The following PRKG1 variants were observed in gnomAD, a reference collection of about 807,000 sequenced individuals.
PRKG1 encodes cGMP-dependent protein kinase 1.
A neutral mutation model predicts 88.1 loss-of-function variants in PRKG1; 35 were observed. The ratio of observed to expected loss-of-function variants is 0.40; its 90% CI spans 0.30 to 0.53. The LOEUF is 0.53. Among genes scored for constraint, PRKG1 ranks in the 20% least tolerant of loss-of-function variants. PRKG1 has a pLI of 0.59. For synonymous variants in PRKG1, 303 were observed against 292.5 expected (o/e 1.04, Z -0.37); for missense variants, 540 against 839.8 (o/e 0.64, Z 4.41).
At chr10:51,119,379 G>A (rs1482082177) in intron 1 of PRKG1, among the ~76,000 whole-genome samples, 1 of 151,928 alleles carries the variant, frequency 6.6e-6, no homozygotes, top group Non-Finnish European at 1.5e-5. Flanking sequence ...CATAATTAGA[G>A]AAATTTTCCT....
At chr10:51,262,182 G>T (rs890818020) in intron 2 of PRKG1, among the ~76,000 whole-genome samples, 7 of 152,008 alleles carry the variant, frequency 4.6e-5, no homozygotes, top group African/African-American at 1.7e-4. Context: ...CACTGTGCCC[G>T]GCCAGGACTT....
chr10:51,563,336 A>T (rs760862991), intron 3 of PRKG1, among the ~76,000 whole-genome samples: 5 of 152,130 alleles, frequency 3.3e-5, no homozygotes, highest in Non-Finnish European at 7.3e-5. Flanking sequence ...TAAATGTTTG[A>T]GATATTGAAT....
intron 1 of PRKG1, among the ~76,000 whole-genome samples, chr10:51,147,039 A>G (rs1845961781): frequency 6.6e-6 from 1 of 152,186 alleles, no homozygotes; most frequent in Non-Finnish European, 1.5e-5. Context: ...GAAATCGGTC[A>G]GTCACAGAAA....
intron 3 of PRKG1, among the ~76,000 whole-genome samples, chr10:51,753,876 A>T (rs895996872): frequency 1.3e-5 from 2 of 152,084 alleles, no homozygotes; most frequent in East Asian, 1.9e-4. Flanking sequence ...TCTCTTTTTC[A>T]TGAAGCTCAT....
intron 2 of PRKG1, among the ~76,000 whole-genome samples, chr10:51,209,059 G>A (rs1838142849): frequency 1.3e-5 from 2 of 152,116 alleles, no homozygotes; most frequent in Admixed American, 1.3e-4. Flanking sequence ...AGCCCCTCCA[G>A]CAATGGAAAA....
chr10:51,307,389 G>A (rs377118640), intron 2 of PRKG1, among the ~76,000 whole-genome samples: 14 of 152,218 alleles, frequency 9.2e-5, no homozygotes, highest in East Asian at 7.7e-4. Context: ...GCAATCAGTG[G>A]TGGCACCAGG....
intron 5 of PRKG1, among the ~76,000 whole-genome samples, chr10:51,947,737 C>T (rs1030041022): frequency 6.6e-6 from 1 of 152,124 alleles, no homozygotes; most frequent in Admixed American, 6.5e-5. Context: ...TGCAGAGCTG[C>T]ACCAGCCAGG....
At chr10:51,016,928 A>G (rs1244002410) in intron 1 of PRKG1, among the ~76,000 whole-genome samples, 1 of 151,108 alleles carries the variant, frequency 6.6e-6, no homozygotes, top group Admixed American at 6.6e-5. Flanking sequence ...TGGGCTCCCA[A>G]AGTGCTGGGA....
intron 1 of PRKG1, among the ~76,000 whole-genome samples, chr10:51,114,960 G>C: frequency 6.6e-6 from 1 of 152,100 alleles, no homozygotes; most frequent in East Asian, 1.9e-4. Flanking sequence ...CTTATCCAAT[G>C]AGTATTTATG....
At chr10:52,034,027 T>A (rs866767463) in intron 5 of PRKG1, among the ~76,000 whole-genome samples, 5 of 151,812 alleles carry the variant, frequency 3.3e-5, no homozygotes, top group Middle Eastern at 3.4e-3. Flanking sequence ...CACAAGGTAA[T>A]GTCATCACTT....
chr10:51,126,257 ATATATT>A (rs1380314876), intron 1 of PRKG1, among the ~76,000 whole-genome samples: 1 of 8,226 alleles, frequency 1.2e-4, no homozygotes, highest in Non-Finnish European at 3.6e-4. Flanking sequence ...ATAATTATTT[ATATATT>A]TATTTATAAT....
At chr10:52,051,843 T>A (rs1189254757) in intron 5 of PRKG1, among the ~76,000 whole-genome samples, 1 of 152,096 alleles carries the variant, frequency 6.6e-6, no homozygotes, top group Non-Finnish European at 1.5e-5. Flanking sequence ...GCTGTTTACT[T>A]CCAAGTTTAT....
Position 51,604,975 on chromosome 10 carries a change from G to A in PRKG1, c.592+137139G>A, listed in dbSNP as rs149822783. The stretch of plus-strand genomic sequence containing the variant: ...GAAGAATCAGACCACATATGGGCTG[G>A]AAGGTTGAGAGCAAGGTTTGATTGA... On this transcript the variant is annotated intron_variant, in intron 3 of 17. Coordinates refer to ENST00000373980, the MANE Select transcript of PRKG1 (RefSeq NM_006258.4). Among the ~76,000 whole-genome samples, 782 of 152,346 alleles carry A rather than the reference G, an allele frequency of 5.1e-3. 8 individuals carry two copies. Among genetic ancestry groups the A allele is most frequent in the Middle Eastern group, 0.01 (3 of 294 alleles).
chr10:51,631,579 G>T (rs554793446), intron 3 of PRKG1, among the ~76,000 whole-genome samples: 1 of 152,310 alleles, frequency 6.6e-6, no homozygotes, highest in South Asian at 2.1e-4. Context: ...TGCAGTCAAA[G>T]CTCTCTGCTA....
At chr10:51,278,933 G>A (rs1249246656) in intron 2 of PRKG1, among the ~76,000 whole-genome samples, 1 of 152,016 alleles carries the variant, frequency 6.6e-6, no homozygotes. Context: ...TTTTTGAAGG[G>A]TTTTTTGTGT....
chr10:51,330,498 A>G (rs971491648), intron 2 of PRKG1, among the ~76,000 whole-genome samples: 9 of 152,182 alleles, frequency 5.9e-5, no homozygotes, highest in Admixed American at 5.9e-4. Context: ...AGCTAGAAAT[A>G]TTACAAGAAT....
At chr10:51,053,216 C>G (rs1203674751) in intron 1 of PRKG1, among the ~76,000 whole-genome samples, 1 of 149,750 alleles carries the variant, frequency 6.7e-6, no homozygotes, top group African/African-American at 2.5e-5. Flanking sequence ...GGCGATAGCG[C>G]AAGACTCTTG....
chr10:51,798,228 T>C (rs1230608162), intron 3 of PRKG1, among the ~76,000 whole-genome samples: 1 of 152,016 alleles, frequency 6.6e-6, no homozygotes, highest in Non-Finnish European at 1.5e-5. Context: ...CACCATATCA[T>C]TTTCCACAGT....
intron 9 of PRKG1, among the ~76,000 whole-genome samples, chr10:52,242,496 G>C (rs1409869839): frequency 6.6e-6 from 1 of 152,166 alleles, no homozygotes; most frequent in Non-Finnish European, 1.5e-5. Flanking sequence ...CTTAATAAAT[G>C]AACTTTTCAT....
Sources: gnomAD v4.1 joint callset for allele counts (sites outside exome capture counted in the v4.1 genomes callset) on GRCh38, gnomAD v4.1.1 for gene constraint, MANE v1.5 for transcripts, NCBI Gene and HGNC (gene_info 2026-07-23, HGNC 2026-07-21) for gene names.